Variants in NRCAM observed in about 807,000 individuals in gnomAD.
The protein encoded by NRCAM is neuronal cell adhesion molecule.
NRCAM carries 83 observed loss-of-function variants against 156.5 expected under a neutral mutation model. The observed-to-expected ratio is 0.53, with a 90% CI of 0.44 to 0.64. The LOEUF is 0.64. Among genes scored for constraint, NRCAM ranks in the 30% least tolerant of loss-of-function variants. The pLI is 0.00. For missense variants in NRCAM, 1,417 were observed against 1,597.3 expected (o/e 0.89, Z 1.92); for synonymous variants, 538 against 563.9 (o/e 0.95, Z 0.65).
chr7:108,200,007 A>G (rs1389963063), intron 13 of NRCAM, among the ~76,000 whole-genome samples: 1 of 152,222 alleles, frequency 6.6e-6, no homozygotes, highest in Non-Finnish European at 1.5e-5. Context: ...ACTCTAACTT[A>G]CAAGTTACTC....
At chr7:108,372,023 T>C (rs1288191870) in intron 2 of NRCAM, among the ~76,000 whole-genome samples, 2 of 151,964 alleles carry the variant, frequency 1.3e-5, no homozygotes, top group Non-Finnish European at 2.9e-5. Context: ...GAAATACATA[T>C]AGGCCAATAG....
chr7:108,374,202 TAGA>T (rs2099650499), intron 2 of NRCAM, among the ~76,000 whole-genome samples: 1 of 152,136 alleles, frequency 6.6e-6, no homozygotes, highest in African/African-American at 2.4e-5. Flanking sequence ...GCTCTGAAGC[TAGA>T]AGAAAACATT....
intron 5 of NRCAM, among the ~76,000 whole-genome samples, chr7:108,235,819 T>C (rs968007195): frequency 1.3e-5 from 2 of 152,130 alleles, no homozygotes; most frequent in Admixed American, 6.6e-5. Flanking sequence ...CAAAGACTTA[T>C]CTGGTCTCAA....
intron 3 of NRCAM, among the ~76,000 whole-genome samples, chr7:108,270,044 T>C (rs1013420892): frequency 1.3e-5 from 2 of 152,234 alleles, no homozygotes; most frequent in Non-Finnish European, 1.5e-5. Context: ...AGATACAGCT[T>C]CCATTATCTT....
intron 4 of NRCAM, 75 bp downstream of exon 4, chr7:108,239,884 C>G (rs1589591525): frequency 4.5e-6 from 4 of 880,570 alleles, no homozygotes; most frequent in African/African-American, 3.4e-5. Context: ...TCTCCATTCA[C>G]GCAGTTCAGA....
intron 2 of NRCAM, among the ~76,000 whole-genome samples, chr7:108,394,593 A>T (rs2099771842): frequency 6.6e-6 from 1 of 152,204 alleles, no homozygotes; most frequent in Non-Finnish European, 1.5e-5. Context: ...ACACTAAATA[A>T]AACATGAAAC....
intron 1 of NRCAM, among the ~76,000 whole-genome samples, chr7:108,453,536 T>C (rs1190761062): frequency 6.6e-6 from 1 of 152,224 alleles, no homozygotes; most frequent in Non-Finnish European, 1.5e-5. Context: ...ACCTCATCAC[T>C]ACCCTGCATT....
rs546954164 is a variant in NRCAM at position 108,269,416 on chromosome 7, T to A, written c.-106-29246A>T. 8.3e-4 allele frequency among the ~76,000 whole-genome samples: 126 copies of A among 152,290 alleles called. 1 individual carries two copies. The highest frequency in any genetic ancestry group is 3.0e-3 in the African/African-American group (123 of 41,560). The stretch of plus-strand genomic sequence containing the variant: ...TGTAATTGTACAAATATAGTGAGTT[T>A]GTTTGGTGACTGTCTCTTTTCCCTC... On this transcript the variant is annotated intron_variant, in intron 3 of 32. Transcript: ENST00000379028.
intron 6 of NRCAM, among the ~76,000 whole-genome samples, chr7:108,234,186 T>C (rs2094645424): frequency 1.3e-5 from 2 of 152,170 alleles, no homozygotes; most frequent in South Asian, 4.1e-4. Flanking sequence ...TGGCCATTAG[T>C]ATCAAAATCA....
chr7:108,223,985 C>G (rs1253366233), intron 10 of NRCAM, 149 bp from the exon 11 acceptor site: 1 of 566,692 alleles, frequency 1.8e-6, no homozygotes, highest in Admixed American at 3.1e-5. Context: ...TACACATACA[C>G]ACTCTCTGCG....
rs1247614027 is a variant in NRCAM at position 108,160,459 on chromosome 7, T to C, written c.3500A>G (p.Gln1167Arg). The stretch of plus-strand genomic sequence containing the variant: ...ACACATCAGACCAATGAACCAGCCC[T>C]GAGTTGCAATATCCACCTGCCGGCT... ...MASRQVDIATQGWFIGLMCAV... is the reference protein window; with the variant it reads ...MASRQVDIATRGWFIGLMCAV... Residue 1167 changes from glutamine to arginine, a missense_variant, in exon 31 of 33, where the codon CAG (glutamine) becomes CGG (arginine). Gln to Arg is a conservative substitution (Grantham distance 43, BLOSUM62 1). Around this residue, in one of 2 missense-constraint regions of NRCAM, gnomAD observed 179 missense variants for 260.9 expected, o/e 0.69. Coordinates refer to ENST00000379028, the MANE Select transcript of NRCAM (RefSeq NM_001037132.4). 2 of 1,613,620 alleles carry C rather than the reference T, an allele frequency of 1.2e-6. No individual in the cohort carries two copies. Among genetic ancestry groups the C allele is most frequent in the African/African-American group, 2.7e-5 (2 of 75,044 alleles).
intron 11 of NRCAM, among the ~76,000 whole-genome samples, chr7:108,211,066 T>C (rs932203432): frequency 6.6e-6 from 1 of 152,240 alleles, no homozygotes; most frequent in African/African-American, 2.4e-5. Flanking sequence ...TCTGAAGGAA[T>C]TGGACTGCTC....
chr7:108,225,519 T>TA, intron 10 of NRCAM, 126 bp downstream of exon 10: 1 of 726,076 alleles, frequency 1.4e-6, no homozygotes, highest in Admixed American at 1.9e-5. Flanking sequence ...ACATTTATAC[T>TA]AGTGGTATTT....
chr7:108,276,136 G>A (rs189794584), intron 3 of NRCAM, among the ~76,000 whole-genome samples: 93 of 152,302 alleles, frequency 6.1e-4, no homozygotes, highest in Non-Finnish European at 1.1e-3. Flanking sequence ...ATTTGCTGAG[G>A]AGTGTTTTAC....
At chr7:108,182,598 C>G in intron 23 of NRCAM, 97 bp downstream of exon 23, 2 of 1,044,908 alleles carry the variant, frequency 1.9e-6, no homozygotes, top group South Asian at 2.9e-5. Flanking sequence ...ATAATTGCCA[C>G]CTCCCTCCCT....
intron 3 of NRCAM, among the ~76,000 whole-genome samples, chr7:108,268,625 T>A (rs1269661): frequency 2.0e-5 from 1 of 49,082 alleles, no homozygotes; most frequent in African/African-American, 7.9e-5. Context: ...GGGGTGGGGG[T>A]GGGGGGGGGT....
intron 3 of NRCAM, among the ~76,000 whole-genome samples, chr7:108,282,706 T>C (rs944296545): frequency 5.7e-5 from 6 of 106,052 alleles, no homozygotes; most frequent in Admixed American, 1.1e-4. Context: ...CTCTCATGAA[T>C]TGGGGGCACA....
At position 108,181,887 on chromosome 7, in the gene NRCAM, A is replaced by C. The variant is rs867372071; in HGVS notation, c.2581T>G (p.Leu861Val). Reference sequence around the variant, plus strand: ...ACTGGGTCCCAGTGCACCTCGGCTAAGGTACTGTTCACCACATTCACACGC... The same window carrying C: ...ACTGGGTCCCAGTGCACCTCGGCTACGGTACTGTTCACCACATTCACACGC... ...NVRVNVVNST[L>V]AEVHWDPVPL... The change falls in exon 24 of 33, where the codon TTA becomes GTA. Residue 861 changes from leucine to valine, a missense_variant. Around this residue, in one of 2 missense-constraint regions of NRCAM, gnomAD observed 1,238 missense variants for 1,336.4 expected, o/e 0.93. Transcript: ENST00000379028. 9 of 1,614,172 alleles carry C rather than the reference A, an allele frequency of 5.6e-6. No individual in the cohort carries two copies. Among genetic ancestry groups the C allele is most frequent in the Middle Eastern group, 1.7e-4 (1 of 6,060 alleles).
intron 28 of NRCAM, among the ~76,000 whole-genome samples, chr7:108,169,164 T>C (rs1381569497): frequency 2.6e-5 from 4 of 152,212 alleles, no homozygotes; most frequent in Admixed American, 2.6e-4. Flanking sequence ...AAAATCATAG[T>C]GCAACCTAAA....
Sources: gnomAD v4.1 joint callset for allele counts (sites outside exome capture counted in the v4.1 genomes callset) on GRCh38, gnomAD v4.1.1 for gene constraint, gnomAD v4.1.1 regional missense constraint, MANE v1.5 for transcripts, NCBI Gene and HGNC (gene_info 2026-07-23, HGNC 2026-07-21) for gene names.